The following FRMD5 variants were observed in gnomAD, a reference collection of about 807,000 sequenced individuals.
FRMD5 encodes the protein FERM domain-containing protein 5.
In FRMD5, 20 loss-of-function variants were observed where a neutral mutation model predicts 69.0. That is an observed-to-expected ratio of 0.29 (90% CI 0.20 to 0.42). The LOEUF is 0.42. FRMD5 is among the 10% of genes least tolerant of loss of function. FRMD5 has a pLI of 1.00. For synonymous variants in FRMD5, 271 were observed against 260.1 expected, an observed-to-expected ratio of 1.04 and a Z score of -0.40; for missense variants, 595 against 708.6, an observed-to-expected ratio of 0.84 and a Z score of 1.82.
intron 1 of FRMD5, among the ~76,000 whole-genome samples, chr15:44,039,726 T>G (rs1892102420): frequency 6.6e-6 from 1 of 152,014 alleles, no homozygotes; most frequent in Non-Finnish European, 1.5e-5. Context: ...GAGAAACCAG[T>G]GCAAAAAGGC....
chr15:44,017,557 G>GTA (rs2140240823), intron 1 of FRMD5, among the ~76,000 whole-genome samples: 1 of 151,398 alleles, frequency 6.6e-6, no homozygotes, highest in African/African-American at 2.4e-5. Context: ...CAGTTGCCAT[G>GTA]TATTGAGCTG....
chr15:44,139,145 T>A (rs2077229385), intron 1 of FRMD5, among the ~76,000 whole-genome samples: 1 of 152,162 alleles, frequency 6.6e-6, no homozygotes, highest in African/African-American at 2.4e-5. Context: ...AAAGCCATTT[T>A]AAAAAGCGGA....
At chr15:43,968,633 T>C (rs1458478047) in intron 1 of FRMD5, among the ~76,000 whole-genome samples, 1 of 152,246 alleles carries the variant, frequency 6.6e-6, no homozygotes, top group Non-Finnish European at 1.5e-5. Context: ...GAATGCCTTG[T>C]ATCTATCTAC....
chr15:44,170,575 A>T (rs576556745), intron 1 of FRMD5, among the ~76,000 whole-genome samples: 17 of 152,136 alleles, frequency 1.1e-4, no homozygotes, highest in Non-Finnish European at 2.1e-4. Context: ...TGTACATGGA[A>T]AGAAATCCCC....
At chr15:43,966,726 G>C (rs1345911232) in intron 1 of FRMD5, among the ~76,000 whole-genome samples, 8 of 152,174 alleles carry the variant, frequency 5.3e-5, no homozygotes, top group Non-Finnish European at 1.0e-4. Context: ...AACATGAATG[G>C]TTGTGAGGTA....
intron 1 of FRMD5, among the ~76,000 whole-genome samples, chr15:44,043,784 T>A (rs1892310362): frequency 6.6e-6 from 1 of 152,084 alleles, no homozygotes. Flanking sequence ...TCAAGATGGA[T>A]TAAAGACTTA....
intron 1 of FRMD5, among the ~76,000 whole-genome samples, chr15:44,013,292 C>A (rs921281279): frequency 6.6e-6 from 1 of 152,244 alleles, no homozygotes; most frequent in Non-Finnish European, 1.5e-5. Flanking sequence ...ACATGGGAGG[C>A]TAAGCTGAGA....
intron 1 of FRMD5, among the ~76,000 whole-genome samples, chr15:44,012,181 G>A (rs947657539): frequency 6.6e-6 from 1 of 152,156 alleles, no homozygotes; most frequent in East Asian, 1.9e-4. Context: ...GTGACTGCTT[G>A]TTCACATTTT....
At chr15:43,937,360 C>T (rs2089778242) in intron 1 of FRMD5, among the ~76,000 whole-genome samples, 1 of 152,140 alleles carries the variant, frequency 6.6e-6, no homozygotes, top group African/African-American at 2.4e-5. Flanking sequence ...TTAAGAAGTG[C>T]TCTTCGGCCA....
At chr15:43,918,925 C>A (rs552103948) in intron 4 of FRMD5, 1 of 188,358 alleles carries the variant, frequency 5.3e-6, no homozygotes, top group Non-Finnish European at 1.1e-5. Context: ...ATGCATTCCA[C>A]GCAGCTGTCG....
chr15:44,121,609 G>C (rs1430520507), intron 1 of FRMD5, among the ~76,000 whole-genome samples: 1 of 150,842 alleles, frequency 6.6e-6, no homozygotes, highest in Non-Finnish European at 1.5e-5. Context: ...TAGTTTTCTA[G>C]ATCTTTCATG....
intron 13 of FRMD5, among the ~76,000 whole-genome samples, chr15:43,878,936 T>TC (rs1567205052): frequency 7.0e-6 from 1 of 142,018 alleles, no homozygotes; most frequent in African/African-American, 2.7e-5. Flanking sequence ...TCTTTTCTTT[T>TC]TTTTTTTTTT....
chr15:43,918,834 C>T (rs1393265553), intron 4 of FRMD5: 1 of 155,838 alleles, frequency 6.4e-6, no homozygotes, highest in Non-Finnish European at 1.4e-5. Context: ...AGCTTTGAAG[C>T]TCTCACTCAC....
At chr15:44,076,111 A>AG (rs775428504) in intron 1 of FRMD5, among the ~76,000 whole-genome samples, 6 of 152,170 alleles carry the variant, frequency 3.9e-5, no homozygotes, top group Admixed American at 6.5e-5. Context: ...CCCATTAAAA[A>AG]GTCAGGAAAC....
intron 1 of FRMD5, among the ~76,000 whole-genome samples, chr15:44,092,439 C>A (rs1310822562): frequency 6.6e-6 from 1 of 152,196 alleles, no homozygotes; most frequent in African/African-American, 2.4e-5. Flanking sequence ...CACACACTCT[C>A]TATGCCAGAC....
At chr15:44,041,699 G>C (rs529420174) in intron 1 of FRMD5, among the ~76,000 whole-genome samples, 1 of 152,156 alleles carries the variant, frequency 6.6e-6, no homozygotes, top group Non-Finnish European at 1.5e-5. Flanking sequence ...ATAATGAAAT[G>C]AAGGCAGAAA....
At chr15:43,930,440 G>A (rs976379359) in intron 1 of FRMD5, among the ~76,000 whole-genome samples, 4 of 152,188 alleles carry the variant, frequency 2.6e-5, no homozygotes, top group African/African-American at 9.6e-5. Flanking sequence ...AGGCTGGGAA[G>A]AACAGGGCCC....
In FRMD5 at chr15:43,939,613, C is replaced by T. The variant is rs188163978; in HGVS notation, c.103-15304G>A. Among the ~76,000 whole-genome samples, 35 of 152,004 alleles carry T rather than the reference C, an allele frequency of 2.3e-4. No individual in the cohort carries two copies. In the East Asian group the frequency reaches 3.5e-3, roughly 15 times the overall value. ...CACTCTGTCACCCAGGCTGGAGTGT[C>T]GTGGCACAATCATGGCTCCCTGTAG... On this transcript the variant is annotated intron_variant, in intron 1 of 13. Transcript: ENST00000417257.
intron 1 of FRMD5, among the ~76,000 whole-genome samples, chr15:44,098,969 T>A (rs568345292): frequency 1.3e-5 from 2 of 152,320 alleles, no homozygotes; most frequent in South Asian, 4.1e-4. Flanking sequence ...TTTATAAAGT[T>A]GAGCAGGACA....
Sources: gnomAD v4.1 joint callset for allele counts (sites outside exome capture counted in the v4.1 genomes callset) on GRCh38, gnomAD v4.1.1 for gene constraint, MANE v1.5 for transcripts, NCBI Gene and HGNC (gene_info 2026-07-23, HGNC 2026-07-21) for gene names.